DCHS2: variants seen among roughly 807,000 people sequenced by gnomAD.
DCHS2 encodes the protein protocadherin-23.
In DCHS2, 142 loss-of-function variants were observed where a neutral mutation model predicts 182.4. That is an observed-to-expected ratio of 0.78 (90% CI 0.68 to 0.89). The LOEUF (loss-of-function observed/expected upper bound fraction) is 0.89, where lower values mean the gene tolerates loss of function less well. Ranked by LOEUF, DCHS2 falls within the 40% of genes least tolerant of loss-of-function variation. DCHS2 has a pLI of 0.00. For synonymous variants in DCHS2, 1,740 were observed against 1,663.3 expected, an observed-to-expected ratio of 1.05 and a Z score of -1.12; for missense variants, 4,319 against 4,198.6, an observed-to-expected ratio of 1.03 and a Z score of -0.79.
chr4:154,266,760 A>T (rs1733293403), intron 14 of DCHS2, among the ~76,000 whole-genome samples: 1 of 151,868 alleles, frequency 6.6e-6, no homozygotes, highest in Non-Finnish European at 1.5e-5. Flanking sequence ...ACTTTATCTG[A>T]GGATTGTATT....
At position 154,232,381 on chromosome 4, in the gene DCHS2, A is replaced by T. The variant is rs552778092; in HGVS notation, c.*2155T>A. ...AGACTGATAAACCCATCAATTAAAA[A>T]TCCATTAAATATTGGTAAAAAAGCT... On this transcript the variant is annotated 3_prime_UTR_variant, in exon 20 of 20. Transcript: ENST00000357232. The T allele has an allele frequency of 3.3e-5, 5 of 152,252 alleles. No homozygotes were observed. The East Asian group carries it at 9.6e-4, about 29-fold the overall frequency. 9.4% of individuals were successfully genotyped at this position (152,252 alleles called of 1,614,324 possible).
At chr4:154,372,969 G>T (rs1464854446) in intron 2 of DCHS2, among the ~76,000 whole-genome samples, 3 of 152,038 alleles carry the variant, frequency 2.0e-5, no homozygotes, top group Non-Finnish European at 4.4e-5. Context: ...CCAGCAAATG[G>T]GTTCTCAGCA....
chr4:154,391,210 C>T (rs764426073), intron 1 of DCHS2: 3 of 1,613,784 alleles, frequency 1.9e-6, no homozygotes, highest in Middle Eastern at 1.7e-4. Flanking sequence ...ACCTCATATA[C>T]ACAGGCATCA....
chr4:154,277,812 A>G (rs948176807), intron 13 of DCHS2, among the ~76,000 whole-genome samples: 1 of 152,046 alleles, frequency 6.6e-6, no homozygotes, highest in African/African-American at 2.4e-5. Flanking sequence ...AGGCCAAGGC[A>G]GGTGGATCAC....
At chr4:154,438,510 T>G (rs1733872725) in intron 1 of DCHS2, among the ~76,000 whole-genome samples, 1 of 152,076 alleles carries the variant, frequency 6.6e-6, no homozygotes, top group African/African-American at 2.4e-5. Flanking sequence ...CTCACCTACA[T>G]TTTTTGTTCT....
intron 1 of DCHS2, among the ~76,000 whole-genome samples, chr4:154,425,844 CCACA>C (rs1733302443): frequency 6.6e-6 from 1 of 152,170 alleles, no homozygotes; most frequent in South Asian, 2.1e-4. Flanking sequence ...CTTGGCCCAC[CCACA>C]GTCTGAGAGC....
chr4:154,409,099 C>T (rs543216077), intron 1 of DCHS2, among the ~76,000 whole-genome samples: 4 of 152,144 alleles, frequency 2.6e-5, no homozygotes, highest in African/African-American at 7.2e-5. Flanking sequence ...CTAGAGAAAC[C>T]GAGCATTGGC....
At position 154,357,785 on chromosome 4, in the gene DCHS2, A is replaced by C. The variant is rs150931014; in HGVS notation, c.2476+8425T>G. Among the ~76,000 whole-genome samples the C allele has an allele frequency of 3.9e-3, 598 of 152,252 alleles. 5 individuals are homozygous for C. The highest frequency in any genetic ancestry group is 0.014 in the African/African-American group (578 of 41,534). ...CTGGACAGGGCTTAAAAACAACTCT[A>C]TACTAGCTCTCCCTCAAAAATGATC... On this transcript the variant is annotated intron_variant, in intron 3 of 19. Transcript: ENST00000357232.
In DCHS2 at chr4:154,489,961, C is replaced by T. The variant is rs1455685227; in HGVS notation, c.1395G>A (p.Gly465=). ...TGELGVGLGD[G]SISLSLEGGE... is the part of the protein sequence containing the mutation. Reference sequence around the variant, plus strand: ...CGCCTTCCAAGGACAGAGAGATGCTCCCGTCTCCAAGACCCACACCAAGCT... The same window carrying T: ...CGCCTTCCAAGGACAGAGAGATGCTTCCGTCTCCAAGACCCACACCAAGCT... The change falls in exon 1 of 20, where the codon GGG becomes GGA. Residue 465 remains glycine (G), a synonymous_variant. Transcript: ENST00000357232. 6.5e-7 allele frequency: 1 copy of T among 1,545,028 alleles called. No individual in the cohort carries two copies.
At chr4:154,380,112 T>C (rs1165410151) in intron 1 of DCHS2, among the ~76,000 whole-genome samples, 1 of 152,178 alleles carries the variant, frequency 6.6e-6, no homozygotes, top group Non-Finnish European at 1.5e-5. Flanking sequence ...TAGTAGTGCC[T>C]AGACTGAGAA....
intron 1 of DCHS2, among the ~76,000 whole-genome samples, chr4:154,405,388 A>T (rs1732356426): frequency 6.6e-6 from 1 of 151,420 alleles, no homozygotes; most frequent in Non-Finnish European, 1.5e-5. Context: ...ATGTTCCTAG[A>T]TATGGACACT....
At position 154,353,834 on chromosome 4, in the gene DCHS2, AT is replaced by A. The variant is rs1729732427; in HGVS notation, c.2476+12375del. 2.6e-5 allele frequency among the ~76,000 whole-genome samples: 4 copies of A among 152,318 alleles called. No homozygotes were observed. In the South Asian group the frequency reaches 8.3e-4, roughly 32 times the overall value. Reference sequence around the variant, plus strand: ...CCTGGGCGATTAGCCAGACATTCTGATTTTTAGATTTGGGAAAGGATCTAAG... The same window carrying A: ...CCTGGGCGATTAGCCAGACATTCTGATTTTAGATTTGGGAAAGGATCTAAG... On this transcript the variant is annotated intron_variant, in intron 3 of 19. Transcript: ENST00000357232.
chr4:154,255,997 G>A (rs1395195313), intron 15 of DCHS2, among the ~76,000 whole-genome samples: 2 of 152,076 alleles, frequency 1.3e-5, no homozygotes, highest in East Asian at 3.8e-4. Context: ...TAGTGTATAT[G>A]AATTCATGCT....
intron 13 of DCHS2, among the ~76,000 whole-genome samples, chr4:154,273,783 A>C (rs779666939): frequency 5.2e-5 from 3 of 57,992 alleles, no homozygotes; most frequent in Non-Finnish European, 1.3e-4. Context: ...CCAATCTTGC[A>C]ATGCCTGTGC....
chr4:154,329,494 C>T, intron 6 of DCHS2, 29 bp downstream of exon 6: 1 of 1,596,562 alleles, frequency 6.3e-7, no homozygotes. Flanking sequence ...TAAGATATTA[C>T]AAATTCATTG....
chr4:154,305,212 C>T lies in DCHS2; in HGVS notation c.5280G>A (p.Gln1760=). ...DRDSGVNSKL[Q]FEIMPGASFE... is the part of the protein sequence containing the mutation. ...ATGAAGCACCTGGCATGATTTCAAA[C>T]TGAAGCTTGGAATTGACTCCTTAAG... Residue 1760 remains glutamine (Q), a synonymous_variant, in exon 11 of 20, where the codon CAG becomes CAA. Coordinates refer to ENST00000357232, the MANE Select transcript of DCHS2 (RefSeq NM_001358235.2). 6.2e-7 allele frequency: 1 copy of T among 1,610,906 alleles called. No homozygotes were observed. The highest frequency in any genetic ancestry group is 8.5e-7 in the Non-Finnish European group (1 of 1,178,972).
At chr4:154,426,418 C>T (rs558701681) in intron 1 of DCHS2, among the ~76,000 whole-genome samples, 79 of 152,170 alleles carry the variant, frequency 5.2e-4, no homozygotes, top group South Asian at 4.8e-3. Context: ...GATTGGGAGG[C>T]ATTCCATTCA....
intron 1 of DCHS2, among the ~76,000 whole-genome samples, chr4:154,426,365 T>A (rs1388077): frequency 0.51 from 77,745 of 152,080 alleles, 21,056 homozygotes; most frequent in Middle Eastern, 0.67. Flanking sequence ...AATAGTACCA[T>A]AGATTCTTTA....
chr4:154,334,586 T>G, intron 4 of DCHS2: 1 of 303,048 alleles, frequency 3.3e-6, no homozygotes, highest in South Asian at 5.8e-5. Context: ...TGTGTGTGTT[T>G]TTGTGAGTGG....
Sources: gnomAD v4.1 joint callset for allele counts (sites outside exome capture counted in the v4.1 genomes callset) on GRCh38, gnomAD v4.1.1 for gene constraint, MANE v1.5 for transcripts, NCBI Gene and HGNC (gene_info 2026-07-23, HGNC 2026-07-21) for gene names.